The following SCRG1 variants were observed in gnomAD, a reference collection of about 807,000 sequenced individuals.
The protein encoded by SCRG1 is stimulator of chondrogenesis 1.
In SCRG1, 3 loss-of-function variants were observed where a neutral mutation model predicts 7.7. The ratio of observed to expected loss-of-function variants is 0.39; its 90% CI spans 0.18 to 1.01. The LOEUF (loss-of-function observed/expected upper bound fraction) is 1.01. Ranked by LOEUF, SCRG1 falls within the 50% of genes least tolerant of loss-of-function variation. SCRG1 has a pLI of 0.36. For missense variants in SCRG1, 110 were observed against 117.2 expected (o/e 0.94, Z 0.28); for synonymous variants, 46 against 41.2 (o/e 1.12, Z -0.44).
chr4:173,487,508 C>T, the SCRG1 span, among the ~76,000 whole-genome samples: 1 of 152,134 alleles, frequency 6.6e-6, no homozygotes, highest in Non-Finnish European at 1.5e-5. Flanking sequence ...AAAGATGAAC[C>T]ATGTTGCTCT....
At chr4:173,439,871 A>G in the SCRG1 span, among the ~76,000 whole-genome samples, 4 of 152,182 alleles carry the variant, frequency 2.6e-5, no homozygotes, top group Admixed American at 1.3e-4. Context: ...TTTGTTTTGA[A>G]CAAGGACACG....
the SCRG1 span, among the ~76,000 whole-genome samples, chr4:173,438,716 CT>C: frequency 4.0e-5 from 6 of 151,168 alleles, no homozygotes; most frequent in South Asian, 4.2e-4. Context: ...TTCAATAAAT[CT>C]TTTTTTTAAT....
chr4:173,455,730 G>T, the SCRG1 span, among the ~76,000 whole-genome samples: 1 of 152,238 alleles, frequency 6.6e-6, no homozygotes, highest in East Asian at 1.9e-4. Flanking sequence ...AAATGACCGC[G>T]CCCAAAGCAT....
chr4:173,418,745 C>T, the SCRG1 span, among the ~76,000 whole-genome samples: 2 of 152,080 alleles, frequency 1.3e-5, no homozygotes, highest in South Asian at 2.1e-4. Flanking sequence ...ACCGGTGGGG[C>T]GGACTTCCCC....
chr4:173,458,206 A>G, the SCRG1 span, among the ~76,000 whole-genome samples: 3 of 152,340 alleles, frequency 2.0e-5, no homozygotes, highest in African/African-American at 7.2e-5. Context: ...GGGTGAGTCT[A>G]GCCATCCTGA....
chr4:173,480,026 G>A, the SCRG1 span, among the ~76,000 whole-genome samples: 6 of 152,040 alleles, frequency 3.9e-5, no homozygotes, highest in African/African-American at 7.2e-5. Context: ...TTGGAGGGCA[G>A]TGGCATGATC....
the SCRG1 span, among the ~76,000 whole-genome samples, chr4:173,445,909 C>T: frequency 6.6e-6 from 1 of 152,070 alleles, no homozygotes. Flanking sequence ...TGTGATCCAC[C>T]CACTTCGGCC....
the SCRG1 span, among the ~76,000 whole-genome samples, chr4:173,511,705 A>G: frequency 6.6e-6 from 1 of 152,136 alleles, no homozygotes; most frequent in African/African-American, 2.4e-5. The surrounding 1 kb of genome is among the most constrained non-coding windows in gnomAD (Gnocchi z 5.2). Flanking sequence ...CTTAAATTCA[A>G]CACTTTCAAG....
chr4:173,454,603 T>A, the SCRG1 span, among the ~76,000 whole-genome samples: 83,334 of 152,032 alleles, frequency 0.55, 24,375 homozygotes, highest in Non-Finnish European at 0.67. Flanking sequence ...ATGTGGCACT[T>A]CATAACCTTT....
chr4:173,476,365 T>A, the SCRG1 span, among the ~76,000 whole-genome samples: 2,083 of 84,280 alleles, frequency 0.025, 125 homozygotes, highest in African/African-American at 0.06. Context: ...AAAAAAAAAA[T>A]ATATATATAT....
At chr4:173,499,497 C>G in the SCRG1 span, among the ~76,000 whole-genome samples, 1 of 152,170 alleles carries the variant, frequency 6.6e-6, no homozygotes, top group Admixed American at 6.5e-5. This position sits in a 1 kb window ranked among gnomAD's most constrained non-coding sequence, Gnocchi z 4.1. Flanking sequence ...ATGAATCTTG[C>G]TTAGACTGAA....
the SCRG1 span, among the ~76,000 whole-genome samples, chr4:173,484,362 ATT>A: frequency 1.7e-4 from 9 of 53,368 alleles, no homozygotes; most frequent in Admixed American, 3.4e-4. Context: ...TATAATATAT[ATT>A]ATATATTATA....
the SCRG1 span, among the ~76,000 whole-genome samples, chr4:173,491,226 T>TTA: frequency 6.6e-6 from 1 of 151,778 alleles, no homozygotes; most frequent in East Asian, 1.9e-4. Flanking sequence ...TCTTTTTTTT[T>TTA]TTTTTTAACA....
the SCRG1 span, among the ~76,000 whole-genome samples, chr4:173,508,405 C>T: frequency 1.3e-5 from 2 of 152,182 alleles, no homozygotes; most frequent in Non-Finnish European, 2.9e-5. The surrounding 1 kb of genome is among the most constrained non-coding windows in gnomAD (Gnocchi z 4.4). Context: ...GCCTACAAAT[C>T]CGACAAATAT....
chr4:173,491,757 G>T, the SCRG1 span, among the ~76,000 whole-genome samples: 2 of 152,170 alleles, frequency 1.3e-5, no homozygotes, highest in Non-Finnish European at 2.9e-5. Flanking sequence ...CAACCCTCAG[G>T]CTGAAAAGTG....
the SCRG1 span, among the ~76,000 whole-genome samples, chr4:173,507,133 T>C: frequency 6.6e-6 from 1 of 152,180 alleles, no homozygotes; most frequent in Non-Finnish European, 1.5e-5. The surrounding 1 kb of genome is among the most constrained non-coding windows in gnomAD (Gnocchi z 4.4). Flanking sequence ...GGCCGCGAGA[T>C]GGTGCTAATT....
the SCRG1 span, among the ~76,000 whole-genome samples, chr4:173,518,995 C>T: frequency 6.6e-6 from 1 of 152,032 alleles, no homozygotes; most frequent in Admixed American, 6.6e-5. Context: ...GCCTTCGGGG[C>T]CCTTCGGTGC....
chr4:173,401,232 A>T (rs955262746), upstream of SCRG1, among the ~76,000 whole-genome samples: 2 of 152,218 alleles, frequency 1.3e-5, no homozygotes, highest in Admixed American at 6.5e-5. Context: ...TGCGCAATGG[A>T]CTGCACATTT....
the SCRG1 span, among the ~76,000 whole-genome samples, chr4:173,413,445 C>A: frequency 1.3e-5 from 2 of 152,202 alleles, no homozygotes; most frequent in Non-Finnish European, 2.9e-5. Context: ...ATCTTCCAGC[C>A]TCCAGGAAAG....
Sources: gnomAD v4.1 joint callset for allele counts (sites outside exome capture counted in the v4.1 genomes callset) on GRCh38, gnomAD v4.1.1 for gene constraint, Gnocchi (gnomAD v3.1) non-coding constraint, MANE v1.5 for transcripts, NCBI Gene and HGNC (gene_info 2026-07-23, HGNC 2026-07-21) for gene names.